The following TMEM117 variants were observed in gnomAD, a reference collection of about 807,000 sequenced individuals.
TMEM117 encodes the protein transmembrane protein 117.
Under a neutral mutation model 52.4 loss-of-function variants are expected in TMEM117, and 27 were observed. The ratio of observed to expected loss-of-function variants is 0.51; its 90% CI spans 0.38 to 0.71. The LOEUF (loss-of-function observed/expected upper bound fraction) is 0.71, where lower values mean the gene tolerates loss of function less well. Among genes scored for constraint, TMEM117 ranks in the 30% least tolerant of loss-of-function variants. The pLI, the probability that TMEM117 is intolerant of heterozygous loss-of-function variation, is 0.00. For missense variants in TMEM117, 556 were observed against 630.5 expected (o/e 0.88, Z 1.26); for synonymous variants, 215 against 206.3 (o/e 1.04, Z -0.36).
intron 5 of TMEM117, among the ~76,000 whole-genome samples, chr12:44,214,584 TTAAA>T (rs1349150550): frequency 3.3e-5 from 5 of 152,124 alleles, no homozygotes; most frequent in African/African-American, 7.2e-5. Flanking sequence ...GATAATATTC[TTAAA>T]TAGAGAGCAA....
the TMEM117 span, among the ~76,000 whole-genome samples, chr12:43,824,494 G>A: frequency 6.6e-6 from 1 of 152,202 alleles, no homozygotes; most frequent in African/African-American, 2.4e-5. Flanking sequence ...ATGGGCTCTA[G>A]GAGAGGATAA....
At chr12:43,820,538 G>T in the TMEM117 span, among the ~76,000 whole-genome samples, 38 of 150,892 alleles carry the variant, frequency 2.5e-4, no homozygotes, top group African/African-American at 9.2e-4. Context: ...CTCCCAAAGT[G>T]CTGGGATTAC....
At chr12:43,935,377 A>G (rs2137590835) in intron 2 of TMEM117, among the ~76,000 whole-genome samples, 1 of 152,296 alleles carries the variant, frequency 6.6e-6, no homozygotes, top group African/African-American at 2.4e-5. Context: ...ATCAAATTTC[A>G]TTTTATCTTT....
intron 3 of TMEM117, among the ~76,000 whole-genome samples, chr12:44,046,401 T>C (rs12099769): frequency 0.16 from 23,836 of 152,168 alleles, 2,872 homozygotes; most frequent in African/African-American, 0.34. Context: ...CACTCCATAT[T>C]GGAGGTTAGG....
intron 2 of TMEM117, among the ~76,000 whole-genome samples, chr12:43,865,954 A>C (rs538102101): frequency 6.6e-6 from 1 of 151,984 alleles, no homozygotes; most frequent in East Asian, 1.9e-4. Flanking sequence ...TTTATTGTAC[A>C]TACAAAAAAC....
At chr12:44,247,404 A>G (rs1950144095) in intron 5 of TMEM117, among the ~76,000 whole-genome samples, 1 of 152,206 alleles carries the variant, frequency 6.6e-6, no homozygotes, top group Non-Finnish European at 1.5e-5. Flanking sequence ...AATGCCAGAG[A>G]AACAAGGATA....
Position 44,078,870 on chromosome 12 carries a change from A to AC in TMEM117, c.411-64649dup, listed in dbSNP as rs1947428812. 1.4e-4 allele frequency among the ~76,000 whole-genome samples: 3 copies of AC among 22,118 alleles called. No homozygotes were observed. The Admixed American group carries it at 1.4e-3, about 11-fold the overall frequency. The allele number at this position is 22,118 out of a possible 152,430, so 14.5% of individuals were successfully genotyped here. A position where few individuals can be genotyped will look rare whatever the true frequency, so the allele number is the denominator to read the frequency against. On this transcript the variant is annotated intron_variant, in intron 3 of 7. Coordinates refer to ENST00000266534, the MANE Select transcript of TMEM117 (RefSeq NM_032256.3). ...GCTATCCCTCCCCTAGCACCCCCCCACCCCCCAACAGGCCCCAGTATGTGA... is the reference window on the plus strand; with the variant it reads ...GCTATCCCTCCCCTAGCACCCCCCCACCCCCCCAACAGGCCCCAGTATGTGA...
At chr12:43,955,772 G>T (rs966867402) in intron 3 of TMEM117, among the ~76,000 whole-genome samples, 1 of 152,152 alleles carries the variant, frequency 6.6e-6, no homozygotes, top group African/African-American at 2.4e-5. Context: ...ATTCTTCACA[G>T]AATTAGAAAA....
At chr12:44,066,474 T>G (rs1461088750) in intron 3 of TMEM117, among the ~76,000 whole-genome samples, 1 of 152,186 alleles carries the variant, frequency 6.6e-6, no homozygotes. Context: ...AACCCCTTCC[T>G]TGGGAGATAT....
chr12:44,201,577 CTT>C (rs1565584865), intron 4 of TMEM117, among the ~76,000 whole-genome samples: 1 of 152,078 alleles, frequency 6.6e-6, no homozygotes, highest in Non-Finnish European at 1.5e-5. Context: ...AAAAAGTATA[CTT>C]TATAAAACTA....
At chr12:43,972,590 A>G (rs903321411) in intron 3 of TMEM117, among the ~76,000 whole-genome samples, 1 of 152,002 alleles carries the variant, frequency 6.6e-6, no homozygotes, top group Non-Finnish European at 1.5e-5. Context: ...TGATTGGTCC[A>G]TTTTACAGAG....
At chr12:44,121,431 T>C (rs1031895654) in intron 3 of TMEM117, among the ~76,000 whole-genome samples, 4 of 152,162 alleles carry the variant, frequency 2.6e-5, no homozygotes, top group South Asian at 4.1e-4. Flanking sequence ...TTATTCCTCC[T>C]CCTCAGCCAA....
chr12:44,024,939 A>G (rs1369935583), intron 3 of TMEM117, among the ~76,000 whole-genome samples: 3 of 152,086 alleles, frequency 2.0e-5, no homozygotes, highest in African/African-American at 4.8e-5. Context: ...GCCTTCATCT[A>G]TTCCTAAGTG....
chr12:43,804,215 A>C, the TMEM117 span: 1 of 476,552 alleles, frequency 2.1e-6, no homozygotes. Flanking sequence ...AAGCACTGAC[A>C]TTAGAAATGG....
intron 3 of TMEM117, among the ~76,000 whole-genome samples, chr12:44,047,706 G>A (rs1056792576): frequency 2.0e-5 from 3 of 152,086 alleles, no homozygotes; most frequent in Non-Finnish European, 4.4e-5. Context: ...AACCCAAAAT[G>A]GTAGGCCCTT....
intron 2 of TMEM117, among the ~76,000 whole-genome samples, chr12:43,890,653 T>G (rs1463985006): frequency 6.6e-6 from 1 of 152,150 alleles, no homozygotes; most frequent in African/African-American, 2.4e-5. Flanking sequence ...TGTCTCAGCC[T>G]CCCGAGTAAC....
In TMEM117 at chr12:44,376,646, T is replaced by G; in HGVS notation, c.820T>G (p.Leu274Val). Residue 274 changes from leucine to valine, a missense_variant, in exon 7 of 8, where the codon TTG becomes GTG. Around this residue, in one of 3 missense-constraint regions of TMEM117, gnomAD observed 328 missense variants for 371.4 expected, o/e 0.88. Transcript: ENST00000266534. ...AGATGTTGATGTAAATCTCCCTGGT[T>G]TGCACACCCCTCACATGCAGTTCAA... Reference protein sequence around the residue: ...MGDVDVNLPGLHTPHMQFKIP... With the variant: ...MGDVDVNLPGVHTPHMQFKIP... The G allele has an allele frequency of 1.9e-6, 3 of 1,612,166 alleles. No homozygotes were observed. In the South Asian group the frequency reaches 3.3e-5, roughly 18 times the overall value.
In TMEM117 at chr12:44,280,500, C is replaced by T. The variant is rs1950564467; in HGVS notation, c.609-19080C>T. On this transcript the variant is annotated intron_variant, in intron 5 of 7. Coordinates refer to ENST00000266534, the MANE Select transcript of TMEM117 (RefSeq NM_032256.3). ...TCTTTTAGGTCCAATTTAATCAGAA[C>T]TCTCAGCCACCCCTCATACATGGAT... Among the ~76,000 whole-genome samples the T allele has an allele frequency of 2.0e-5, 3 of 152,170 alleles. No homozygotes were observed. The South Asian group carries it at 6.2e-4, about 32-fold the overall frequency.
At chr12:44,238,929 A>G (rs2138474865) in intron 5 of TMEM117, among the ~76,000 whole-genome samples, 1 of 152,204 alleles carries the variant, frequency 6.6e-6, no homozygotes, top group South Asian at 2.1e-4. Flanking sequence ...TGTGCTTGAT[A>G]CTGTATTTCT....
Sources: allele counts gnomAD v4.1 joint callset (sites outside exome capture counted in the v4.1 genomes callset), GRCh38; gene constraint gnomAD v4.1.1; regional missense constraint gnomAD v4.1.1; transcripts MANE v1.5; gene names NCBI Gene and HGNC (gene_info 2026-07-23, HGNC 2026-07-21).